Variants in MVB12B observed in about 807,000 individuals in gnomAD.
MVB12B encodes the protein ESCRT-I complex subunit MVB12B.
Under a neutral mutation model 41.6 loss-of-function variants are expected in MVB12B, and 16 were observed. That is an observed-to-expected ratio of 0.38 (90% confidence interval 0.26 to 0.58). The LOEUF is 0.58. MVB12B is among the 20% of genes least tolerant of loss of function. The probability of loss-of-function intolerance (pLI) is 0.62; values close to 1 mark genes in which losing one functional copy is unlikely to be tolerated. For synonymous variants in MVB12B, 133 were observed against 139.7 expected, an observed-to-expected ratio of 0.95 and a Z score of 0.34; for missense variants, 274 against 380.2, an observed-to-expected ratio of 0.72 and a Z score of 2.32.
At chr9:126,500,456 T>TCCATGTCCACACCCATTCCCA (rs1833930733) in intron 9 of MVB12B, among the ~76,000 whole-genome samples, 1 of 149,790 alleles carries the variant, frequency 6.7e-6, no homozygotes, top group Non-Finnish European at 1.5e-5. Context: ...TCTCTGCCCA[T>TCCATGTCCACACCCATTCCCA]CCATGTCCAC....
intron 7 of MVB12B, among the ~76,000 whole-genome samples, chr9:126,451,815 G>A (rs1832893607): frequency 6.6e-6 from 1 of 152,130 alleles, no homozygotes; most frequent in African/African-American, 2.4e-5. Context: ...CACAGCCTCT[G>A]GTCACAGGTA....
chr9:126,501,846 G>A (rs929032265), intron 9 of MVB12B, among the ~76,000 whole-genome samples: 2 of 152,170 alleles, frequency 1.3e-5, no homozygotes, highest in African/African-American at 2.4e-5. Context: ...GGAGGGCTGG[G>A]CAGGCCTGGA....
At chr9:126,418,868 C>G (rs1034174974) in intron 6 of MVB12B, among the ~76,000 whole-genome samples, 3 of 152,234 alleles carry the variant, frequency 2.0e-5, no homozygotes, top group Non-Finnish European at 4.4e-5. Flanking sequence ...CCCTTCCTAG[C>G]ACTTGAGTCT....
chr9:126,340,432 T>C lies in MVB12B; in HGVS notation c.82-76T>C. 6.4e-7 allele frequency: 1 copy of C among 1,556,896 alleles called. No homozygotes were observed. The highest frequency in any genetic ancestry group is 1.1e-5 in the South Asian group (1 of 87,508). The stretch of plus-strand genomic sequence containing the variant: ...AGGGTATTTGCCCCAAGATTCTGGT[T>C]CTGTTTGAGACTTTATATTATTCAC... On this transcript the variant is annotated intron_variant, in intron 1 of 9. Transcript: ENST00000361171. The surrounding 1 kb of genome is among the most constrained non-coding windows in gnomAD (Gnocchi z 4.0).
In MVB12B at chr9:126,486,935, G is replaced by A. The variant is rs1240653340; in HGVS notation, c.873+2903G>A. Among the ~76,000 whole-genome samples, 4 of 152,146 alleles carry A rather than the reference G, an allele frequency of 2.6e-5. No homozygotes were observed. The highest frequency in any genetic ancestry group is 5.9e-5 in the Non-Finnish European group (4 of 68,026). On this transcript the variant is annotated intron_variant, in intron 9 of 9. Coordinates refer to ENST00000361171, the MANE Select transcript of MVB12B (RefSeq NM_033446.3). The surrounding 1 kb of genome is among the most constrained non-coding windows in gnomAD (Gnocchi z 4.7). ...GCTGGGGTGGGGTGAAGTGGGTGACGGTCCCAGTGTGGGGTCCAGGGCGGG... is the reference window on the plus strand; with the variant it reads ...GCTGGGGTGGGGTGAAGTGGGTGACAGTCCCAGTGTGGGGTCCAGGGCGGG...
chr9:126,456,224 A>C (rs1019682210), intron 7 of MVB12B, among the ~76,000 whole-genome samples: 3 of 152,160 alleles, frequency 2.0e-5, no homozygotes, highest in African/African-American at 7.2e-5. Flanking sequence ...TTCCCAATAC[A>C]GTAATTAGAC....
Position 126,409,488 on chromosome 9 carries a change from G to A in MVB12B, c.663-12366G>A, listed in dbSNP as rs1353423495. Among the ~76,000 whole-genome samples, 11 of 152,040 alleles carry A rather than the reference G, an allele frequency of 7.2e-5. No individual in the cohort carries two copies. In the South Asian group the frequency reaches 2.3e-3, roughly 32 times the overall value. On this transcript the variant is annotated intron_variant, in intron 6 of 9. Transcript: ENST00000361171. Reference sequence around the variant, plus strand: ...TTGTCATGAGAATTAAATTGGGGGGGGACACAGAAAGCACCACCCTGGTGC... The same window carrying A: ...TTGTCATGAGAATTAAATTGGGGGGAGACACAGAAAGCACCACCCTGGTGC...
chr9:126,371,426 C>A (rs760425633), intron 2 of MVB12B, among the ~76,000 whole-genome samples: 1 of 152,258 alleles, frequency 6.6e-6, no homozygotes, highest in Non-Finnish European at 1.5e-5. Context: ...CTGCCTGGCT[C>A]CCTTCGGCCA....
chr9:126,404,864 A>G (rs560452234), intron 6 of MVB12B, among the ~76,000 whole-genome samples: 1 of 152,352 alleles, frequency 6.6e-6, no homozygotes, highest in East Asian at 1.9e-4. Context: ...TTATTTGAAT[A>G]TCTTCAAAAT....
chr9:126,421,825 C>G (rs1423595883), intron 6 of MVB12B, 29 bp from the exon 7 acceptor site: 20 of 1,554,238 alleles, frequency 1.3e-5, no homozygotes, highest in Non-Finnish European at 1.8e-5. Context: ...TCCTTGTAAT[C>G]TCCTTTCTCT....
intron 7 of MVB12B, among the ~76,000 whole-genome samples, chr9:126,423,304 G>A (rs1156578859): frequency 1.3e-5 from 2 of 152,154 alleles, no homozygotes; most frequent in Non-Finnish European, 2.9e-5. Context: ...TTCTCTGATG[G>A]CTTTCCCAGC....
chr9:126,452,748 GT>G (rs1832908367), intron 7 of MVB12B, among the ~76,000 whole-genome samples: 1 of 152,104 alleles, frequency 6.6e-6, no homozygotes. Flanking sequence ...GTTTGGGTGA[GT>G]TTTTTGGCTG....
intron 9 of MVB12B, among the ~76,000 whole-genome samples, chr9:126,498,948 A>G (rs1279871158): frequency 2.0e-5 from 3 of 152,210 alleles, no homozygotes; most frequent in African/African-American, 7.2e-5. Context: ...ACTCCTGCCA[A>G]CCACAGGTGG....
chr9:126,349,133 C>T (rs1829679472), intron 2 of MVB12B, among the ~76,000 whole-genome samples: 1 of 152,086 alleles, frequency 6.6e-6, no homozygotes, highest in South Asian at 2.1e-4. Context: ...AGGGCAGTGT[C>T]AAGCAGGGTG....
chr9:126,494,164 T>C (rs564731214), intron 9 of MVB12B, among the ~76,000 whole-genome samples: 7 of 152,338 alleles, frequency 4.6e-5, no homozygotes, highest in African/African-American at 1.7e-4. Context: ...TTATCAGAAA[T>C]GGATGGTGGC....
At chr9:126,329,425 G>C (rs556760622) in intron 1 of MVB12B, among the ~76,000 whole-genome samples, 1 of 152,338 alleles carries the variant, frequency 6.6e-6, no homozygotes, top group African/African-American at 2.4e-5. Flanking sequence ...TGTTTATACA[G>C]TTTGTTGCGG....
chr9:126,496,607 C>G (rs998255902), intron 9 of MVB12B, among the ~76,000 whole-genome samples: 22 of 151,970 alleles, frequency 1.4e-4, no homozygotes, highest in Admixed American at 1.1e-3. Context: ...GGAAGGAACA[C>G]GCTTCCCAGA....
At chr9:126,488,315 G>A (rs532675215) in intron 9 of MVB12B, among the ~76,000 whole-genome samples, 3 of 143,230 alleles carry the variant, frequency 2.1e-5, no homozygotes, top group Non-Finnish European at 3.0e-5. Flanking sequence ...TTTGCTCACT[G>A]TAAACCTTTG....
intron 7 of MVB12B, 30 bp downstream of exon 7, chr9:126,421,978 A>ATAGAGT (rs780235556): frequency 1.3e-6 from 2 of 1,542,248 alleles, no homozygotes; most frequent in Non-Finnish European, 1.8e-6. Context: ...CAGGCCAGCT[A>ATAGAGT]CAGAGTCTGT....
Sources: allele counts gnomAD v4.1 joint callset (sites outside exome capture counted in the v4.1 genomes callset), GRCh38; gene constraint gnomAD v4.1.1; non-coding constraint Gnocchi (gnomAD v3.1); transcripts MANE v1.5; gene names NCBI Gene and HGNC (gene_info 2026-07-23, HGNC 2026-07-21).